The following ZNF219 variants were observed in gnomAD, a reference collection of about 807,000 sequenced individuals.
ZNF219 encodes the protein zinc finger protein 219.
In ZNF219, 17 loss-of-function variants were observed where a neutral mutation model predicts 54.4. That is an observed-to-expected ratio of 0.31 (90% CI 0.21 to 0.47). The LOEUF (loss-of-function observed/expected upper bound fraction) is 0.47. ZNF219 is among the 20% of genes least tolerant of loss of function. The pLI is 1.00. For missense variants in ZNF219, 1,014 were observed against 1,062.3 expected, an observed-to-expected ratio of 0.95 and a Z score of 0.63; for synonymous variants, 518 against 476.4, an observed-to-expected ratio of 1.09 and a Z score of -1.14.
chr14:21,092,682 C>A lies in ZNF219; in HGVS notation c.615G>T (p.Leu205=). ...SFGSSQEEEL[L]HHSLTAHGAP... ...CCCCGTGGGCCGTCAGGCTGTGGTG[C>A]AGCAGCTCCTCCTCCTGGCTGGAGC... Residue 205 remains leucine, a synonymous_variant, in exon 3 of 5, where the codon CTG becomes CTT. Coordinates refer to ENST00000360947, the MANE Select transcript of ZNF219 (RefSeq NM_016423.3). The A allele has an allele frequency of 6.3e-7, 1 of 1,576,246 alleles. No homozygotes were observed. The highest frequency in any genetic ancestry group is 8.6e-7 in the Non-Finnish European group (1 of 1,162,924).
At chr14:21,097,337 T>C (rs1055000877) in intron 1 of ZNF219, 1 of 152,228 alleles carries the variant, frequency 6.6e-6, no homozygotes, top group African/African-American at 2.4e-5. Flanking sequence ...CCTGCTGCCA[T>C]CCCACCATGG....
chr14:21,091,304 G>A, intron 4 of ZNF219, 107 bp downstream of exon 4: 1 of 1,520,526 alleles, frequency 6.6e-7, no homozygotes, highest in South Asian at 1.3e-5. Flanking sequence ...ATCTCATCCA[G>A]CCAAACTGAA....
Position 21,090,887 on chromosome 14 carries a change from A to G in ZNF219, c.1818T>C (p.Arg606=). The change falls in exon 5 of 5, where the codon CGT becomes CGC. Residue 606 remains arginine, a synonymous_variant. Transcript: ENST00000360947. The surrounding 1 kb of genome is among the most constrained non-coding windows in gnomAD (Gnocchi z 4.4). ...TCCTCCCAGGGCTGGCGGGCTTCCG[A>G]CGGGACCCCGGCCCAGCACCGCTAG... is the stretch of plus-strand genomic sequence containing the variant. ...PPSSGAGPGS[R]RKPASPGRTL... 1 of 1,550,170 alleles carries G rather than the reference A, an allele frequency of 6.5e-7. No homozygotes were observed. The highest frequency in any genetic ancestry group is 1.2e-5 in the South Asian group (1 of 84,416).
Position 21,093,004 on chromosome 14 carries a change from G to C in ZNF219, c.293C>G (p.Ala98Gly). 1 of 1,597,888 alleles carries C rather than the reference G, an allele frequency of 6.3e-7. No homozygotes were observed. Among genetic ancestry groups the C allele is most frequent in the Non-Finnish European group, 8.5e-7 (1 of 1,175,208 alleles). Residue 98 changes from alanine to glycine, a missense_variant, in exon 3 of 5, where the codon GCT (alanine) becomes GGT (glycine). Physicochemically the swap from Ala to Gly is moderately conservative, Grantham distance 60. Transcript: ENST00000360947. Reference protein sequence around the residue: ...PHCGHRAAQRALLRSHLRTHQ... With the variant: ...PHCGHRAAQRGLLRSHLRTHQ... ...TGTGCGCAGGTGCGAGCGCAGCAGA[G>C]CCCGCTGCGCCGCGCGGTGGCCGCA...
At chr14:21,102,681 G>A (rs1381858126), upstream of ZNF219, 3 of 1,551,532 alleles carry the variant, frequency 1.9e-6, no homozygotes, top group South Asian at 3.6e-5. Context: ...CTTCACCCTA[G>A]GGGGAGTGCT....
intron 1 of ZNF219, among the ~76,000 whole-genome samples, chr14:21,095,283 G>C (rs902393446): frequency 2.6e-5 from 4 of 152,194 alleles, no homozygotes; most frequent in Non-Finnish European, 4.4e-5. Context: ...GTGTATTTCT[G>C]TAGCTTCAAA....
Position 21,091,066 on chromosome 14 carries a change from G to T in ZNF219, c.1639C>A (p.Arg547Ser). ...QSGSLKYHLQ[R>S]HHREQRSGAG... ...CCGCTCCTCTGCTCCCGGTGGTGGCGCTGTAGGTGATACTTGAGCGAGCCG... is the reference window on the plus strand; with the variant it reads ...CCGCTCCTCTGCTCCCGGTGGTGGCTCTGTAGGTGATACTTGAGCGAGCCG... Residue 547 changes from arginine (R) to serine (S), a missense_variant, in exon 5 of 5, where the codon CGC becomes AGC. By Grantham distance (110) the Arg-to-Ser change is moderately radical. Coordinates refer to ENST00000360947, the MANE Select transcript of ZNF219 (RefSeq NM_016423.3). 1.3e-6 allele frequency: 2 copies of T among 1,565,854 alleles called. No homozygotes were observed. Among genetic ancestry groups the T allele is most frequent in the Non-Finnish European group, 8.6e-7 (1 of 1,161,120 alleles).
chr14:21,091,759 G>A, intron 3 of ZNF219, 106 bp downstream of exon 3: 4 of 1,458,828 alleles, frequency 2.7e-6, no homozygotes, highest in East Asian at 2.4e-5. Flanking sequence ...AAAAACTCAG[G>A]AGAAATTAAA....
rs1256490530 is a variant in ZNF219 at position 21,091,887 on chromosome 14, C to T, written c.1410G>A (p.Gln470=). ...PGHSASAAGA[Q]ARSTATQEEN... is the part of the protein sequence containing the mutation. ...TACCCTGCGTGGCGGTCGATCTTGC[C>T]TGGGCCCCAGCAGCAGAGGCAGAGT... Residue 470 remains glutamine (Q), a synonymous_variant, in exon 3 of 5, where the codon CAG becomes CAA. Transcript: ENST00000360947. 2 of 1,575,110 alleles carry T rather than the reference C, an allele frequency of 1.3e-6. No individual in the cohort carries two copies. The highest frequency in any genetic ancestry group is 1.4e-5 in the African/African-American group (1 of 73,748).
At chr14:21,095,529 C>T (rs971104526) in intron 1 of ZNF219, among the ~76,000 whole-genome samples, 1 of 152,088 alleles carries the variant, frequency 6.6e-6, no homozygotes. Flanking sequence ...CCTTCCTGCT[C>T]GAAAAAAGTT....
intron 1 of ZNF219, chr14:21,104,020 T>A (rs1344545266): frequency 6.6e-6 from 1 of 152,280 alleles, no homozygotes; most frequent in Non-Finnish European, 1.5e-5. Context: ...GTCCTGAGAC[T>A]TGGAGCGCGC....
chr14:21,100,302 G>C (rs544891751), upstream of ZNF219, among the ~76,000 whole-genome samples: 3 of 152,170 alleles, frequency 2.0e-5, no homozygotes, highest in Non-Finnish European at 4.4e-5. Context: ...GAAGGTGTTG[G>C]CTACAGTGAG....
chr14:21,098,786 C>T (rs1324884012), upstream of ZNF219: 4 of 1,282,718 alleles, frequency 3.1e-6, no homozygotes, highest in East Asian at 5.8e-5. Flanking sequence ...CAGCACTGCC[C>T]CTCCCTCCCT....
chr14:21,101,709 A>C, upstream of ZNF219: 1 of 676,286 alleles, frequency 1.5e-6, no homozygotes, highest in Non-Finnish European at 2.5e-6. Context: ...AAATTAAATG[A>C]TACTTAATTT....
intron 1 of ZNF219, chr14:21,093,950 G>T (rs1036908204): frequency 1.8e-5 from 7 of 398,890 alleles, no homozygotes; most frequent in African/African-American, 1.4e-4. Context: ...CCCCCTGGCG[G>T]TGGGGAAGAC....
intron 1 of ZNF219, among the ~76,000 whole-genome samples, chr14:21,095,401 A>G (rs1889232284): frequency 6.6e-6 from 1 of 152,242 alleles, no homozygotes; most frequent in African/African-American, 2.4e-5. Context: ...TGAAGGGTAC[A>G]AGGCTATTGT....
chr14:21,095,281 C>T (rs1230830904), intron 1 of ZNF219, among the ~76,000 whole-genome samples: 3 of 152,206 alleles, frequency 2.0e-5, no homozygotes, highest in Non-Finnish European at 4.4e-5. Flanking sequence ...ATGTGTATTT[C>T]TGTAGCTTCA....
chr14:21,090,735 G>A lies in ZNF219; in HGVS notation c.1970C>T (p.Ala657Val). The A allele has an allele frequency of 6.2e-7, 1 of 1,609,430 alleles. No individual in the cohort carries two copies. Among genetic ancestry groups the A allele is most frequent in the Non-Finnish European group, 8.5e-7 (1 of 1,178,724 alleles). Residue 657 changes from alanine to valine, a missense_variant, in exon 5 of 5, where the codon GCC becomes GTC. Around this residue, in one of 5 missense-constraint regions of ZNF219, gnomAD observed 281 missense variants for 271.2 expected, o/e 1.04. Coordinates refer to ENST00000360947, the MANE Select transcript of ZNF219 (RefSeq NM_016423.3). This position sits in a 1 kb window ranked among gnomAD's most constrained non-coding sequence, Gnocchi z 4.4. ...AAGGTGCAAGGCCATGAGCTCTGGGGCTCCAGTGGCGAACGGGCAGAAGAG... is the reference window on the plus strand; with the variant it reads ...AAGGTGCAAGGCCATGAGCTCTGGGACTCCAGTGGCGAACGGGCAGAAGAG... ...RCLFCPFATG[A>V]PELMALHLQV... is the part of the protein sequence containing the mutation.
upstream of ZNF219, chr14:21,101,511 C>A: frequency 7.6e-7 from 1 of 1,323,556 alleles, no homozygotes; most frequent in Non-Finnish European, 1.0e-6. Context: ...AATTCAATTC[C>A]ATCCATCCAT....
Sources: allele counts gnomAD v4.1 joint callset (sites outside exome capture counted in the v4.1 genomes callset), GRCh38; gene constraint gnomAD v4.1.1; regional missense constraint gnomAD v4.1.1; non-coding constraint Gnocchi (gnomAD v3.1); transcripts MANE v1.5; gene names NCBI Gene and HGNC (gene_info 2026-07-23, HGNC 2026-07-21).